SMG6: variants seen among roughly 807,000 people sequenced by gnomAD.
The protein encoded by SMG6 is SMG6 nonsense mediated mRNA decay factor.
Under a neutral mutation model 142.2 loss-of-function variants are expected in SMG6, and 66 were observed. That is an observed-to-expected ratio of 0.46 (90% CI 0.38 to 0.57). The LOEUF is 0.57. Ranked by LOEUF, SMG6 falls within the 20% of genes least tolerant of loss-of-function variation. The pLI, the probability that SMG6 is intolerant of heterozygous loss-of-function variation, is 0.00. For missense variants in SMG6, 1,793 were observed against 1,832.0 expected (o/e 0.98, Z 0.39); for synonymous variants, 779 against 702.4 (o/e 1.11, Z -1.72).
intron 13 of SMG6, among the ~76,000 whole-genome samples, chr17:2,146,611 G>C (rs1275404270): frequency 4.6e-5 from 7 of 152,188 alleles, no homozygotes; most frequent in African/African-American, 1.7e-4. Flanking sequence ...CGTGATCTCA[G>C]CTCACTGCAA....
intron 10 of SMG6, among the ~76,000 whole-genome samples, chr17:2,202,796 G>A (rs770132304): frequency 3.9e-5 from 6 of 152,272 alleles, no homozygotes; most frequent in East Asian, 1.9e-4. Context: ...CCTCAGAGAC[G>A]GTAAGTAAAC....
intron 8 of SMG6, among the ~76,000 whole-genome samples, chr17:2,279,960 A>G (rs889789482): frequency 6.6e-6 from 1 of 152,154 alleles, no homozygotes; most frequent in Non-Finnish European, 1.5e-5. Flanking sequence ...ACGGCCTCTC[A>G]TGCTTGCCTT....
Position 2,085,586 on chromosome 17 carries a change from CT to C in SMG6, c.3534+138del, listed in dbSNP as rs1318352808. ...CAGGAAGGGGCACCATCAGAGCACACTCTCGAGAAGCTGGCTGGTCACATTA... is the reference window on the plus strand; with the variant it reads ...CAGGAAGGGGCACCATCAGAGCACACCTCGAGAAGCTGGCTGGTCACATTA... On this transcript the variant is annotated intron_variant, in intron 14 of 18. Transcript: ENST00000263073. This position sits in a 1 kb window ranked among gnomAD's most constrained non-coding sequence, Gnocchi z 4.1. The C allele has an allele frequency of 2.3e-6, 2 of 868,204 alleles. No individual in the cohort carries two copies. The highest frequency in any genetic ancestry group is 3.6e-6 in the Non-Finnish European group (2 of 559,242). 53.8% of individuals were successfully genotyped at this position (868,204 alleles called of 1,614,324 possible). A position where few individuals can be genotyped will look rare whatever the true frequency, so the allele number is the denominator to read the frequency against.
intron 13 of SMG6, among the ~76,000 whole-genome samples, chr17:2,171,763 G>A (rs915764677): frequency 2.9e-5 from 4 of 139,940 alleles, no homozygotes; most frequent in African/African-American, 1.1e-4. Context: ...ATCTCCCTAT[G>A]TCCCTAGTAT....
At chr17:2,078,427 A>G (rs2068320416) in intron 15 of SMG6, among the ~76,000 whole-genome samples, 1 of 150,806 alleles carries the variant, frequency 6.6e-6, no homozygotes, top group Non-Finnish European at 1.5e-5. Context: ...GCTAAAGTCT[A>G]ATGGCTCGAT....
At chr17:2,217,680 C>A (rs925638469) in intron 10 of SMG6, among the ~76,000 whole-genome samples, 14 of 152,190 alleles carry the variant, frequency 9.2e-5, no homozygotes, top group Non-Finnish European at 1.8e-4. Flanking sequence ...CTCCCCTCAG[C>A]CACCTTCCAC....
rs2075223900 is a variant in SMG6, at chr17:2,299,552, GTTC to G, written c.1198_1200del (p.Glu400del). The G allele has an allele frequency of 6.2e-7, 1 of 1,614,150 alleles. No homozygotes were observed. Among genetic ancestry groups the G allele is most frequent in the Non-Finnish European group, 8.5e-7 (1 of 1,180,032 alleles). On this transcript the variant is annotated inframe_deletion, in exon 2 of 19. Transcript: ENST00000263073. The surrounding 1 kb of genome is among the most constrained non-coding windows in gnomAD (Gnocchi z 4.3). Reference sequence around the variant, plus strand: ...AGAATGCCACGACCACGACCCCGAAGTTCTTGTTTCGGGTTTTTGGACTCCTGC... The same window carrying G: ...AGAATGCCACGACCACGACCCCGAAGTTGTTTCGGGTTTTTGGACTCCTGC...
rs549040603 is a variant in SMG6 at position 2,252,228 on chromosome 17, G to C, written c.2662-7509C>G. On this transcript the variant is annotated intron_variant, in intron 8 of 18. Transcript: ENST00000263073. ...AGAGATCGAGCCCATCCTGGCCAAC[G>C]GTGAAACCCCGTCTCTACTAAAAAT... Among the ~76,000 whole-genome samples, 11 of 152,128 alleles carry C rather than the reference G, an allele frequency of 7.2e-5. No homozygotes were observed. The East Asian group carries it at 1.9e-3, about 27-fold the overall frequency.
chr17:2,275,775 G>A (rs2074635406), intron 8 of SMG6, among the ~76,000 whole-genome samples: 1 of 152,158 alleles, frequency 6.6e-6, no homozygotes, highest in South Asian at 2.1e-4. Flanking sequence ...GGTCCTGGCT[G>A]GCAGGTGGAA....
chr17:2,062,102 A>G (rs2151377927), intron 18 of SMG6: 1 of 157,340 alleles, frequency 6.4e-6, no homozygotes, highest in South Asian at 1.8e-4. Context: ...AAATGTATCC[A>G]GGGTTTTCCA....
At position 2,209,372 on chromosome 17, in the gene SMG6, A is replaced by AT. The variant is rs900155734; in HGVS notation, c.2870-20858dup. On this transcript the variant is annotated intron_variant, in intron 10 of 18. Coordinates refer to ENST00000263073, the MANE Select transcript of SMG6 (RefSeq NM_017575.5). ...TGCACGCCACCATGCCCAGCTAAAA[A>AT]TTTTTTTTTTGAGGTGGAGTCTTGC... 4.7e-5 allele frequency among the ~76,000 whole-genome samples: 7 copies of AT among 149,976 alleles called. No individual in the cohort carries two copies. In the South Asian group the frequency reaches 8.5e-4, roughly 18 times the overall value.
chr17:2,299,357 C>CTTT lies in SMG6; in HGVS notation c.1395_1396insAAA (p.Pro465_Ala466insLys). 6.2e-7 allele frequency: 1 copy of CTTT among 1,614,062 alleles called. No homozygotes were observed. The highest frequency in any genetic ancestry group is 8.5e-7 in the Non-Finnish European group (1 of 1,180,042). Reference sequence around the variant, plus strand: ...AGCTGGGGCGTCTGAGTCTTTAGAGCAGGTTTCTGATCAGGATTGTTTGGG... The same window carrying CTTT: ...AGCTGGGGCGTCTGAGTCTTTAGAGCTTTAGGTTTCTGATCAGGATTGTTTGGG... On this transcript the variant is annotated inframe_insertion, in exon 2 of 19. Coordinates refer to ENST00000263073, the MANE Select transcript of SMG6 (RefSeq NM_017575.5). This position sits in a 1 kb window ranked among gnomAD's most constrained non-coding sequence, Gnocchi z 4.3.
chr17:2,175,030 G>A (rs962249602), intron 12 of SMG6, among the ~76,000 whole-genome samples: 1 of 152,116 alleles, frequency 6.6e-6, no homozygotes, highest in Non-Finnish European at 1.5e-5. Flanking sequence ...GATGTGATAG[G>A]GCTGCTCAGG....
intron 13 of SMG6, among the ~76,000 whole-genome samples, chr17:2,128,162 GCA>G (rs2069964536): frequency 6.6e-6 from 1 of 152,196 alleles, no homozygotes; most frequent in Non-Finnish European, 1.5e-5. Flanking sequence ...GGCCCCACAG[GCA>G]CATCCACGCG....
intron 10 of SMG6, among the ~76,000 whole-genome samples, chr17:2,227,188 T>C (rs1292948917): frequency 6.6e-6 from 1 of 152,188 alleles, no homozygotes; most frequent in East Asian, 1.9e-4. Flanking sequence ...GAGTTAAAGA[T>C]ACACATGCCA....
At chr17:2,282,518 T>C in intron 8 of SMG6, 129 bp downstream of exon 8, 1 of 806,296 alleles carries the variant, frequency 1.2e-6, no homozygotes, top group African/African-American at 1.7e-5. Context: ...GAAAAGACCA[T>C]CAGGGAGCCT....
intron 13 of SMG6, chr17:2,088,053 A>T: frequency 1.0e-6 from 1 of 985,532 alleles, no homozygotes; most frequent in Non-Finnish European, 1.2e-6. Flanking sequence ...TGAGAAGAGG[A>T]CAGAGGAAAA....
intron 8 of SMG6, among the ~76,000 whole-genome samples, chr17:2,275,820 G>C (rs2074636145): frequency 6.6e-6 from 1 of 152,172 alleles, no homozygotes. Flanking sequence ...GATGCTACTT[G>C]CAGTTGAGGC....
At chr17:2,246,775 G>A (rs899507245) in intron 8 of SMG6, among the ~76,000 whole-genome samples, 18 of 151,806 alleles carry the variant, frequency 1.2e-4, no homozygotes, top group Non-Finnish European at 2.2e-4. Context: ...GTGAAACCCC[G>A]TCTCTACTAA....
Sources: allele counts gnomAD v4.1 joint callset (sites outside exome capture counted in the v4.1 genomes callset), GRCh38; gene constraint gnomAD v4.1.1; non-coding constraint Gnocchi (gnomAD v3.1); transcripts MANE v1.5; gene names NCBI Gene and HGNC (gene_info 2026-07-23, HGNC 2026-07-21).